CCSER2: variants seen among roughly 807,000 people sequenced by gnomAD.
CCSER2 encodes the protein serine-rich coiled-coil domain-containing protein 2.
CCSER2 carries 46 observed loss-of-function variants against 92.3 expected under a neutral mutation model. That is an observed-to-expected ratio of 0.50 (90% CI 0.39 to 0.64). The LOEUF is 0.64. Among genes scored for constraint, CCSER2 ranks in the 30% least tolerant of loss-of-function variants. The pLI, the probability that CCSER2 is intolerant of heterozygous loss-of-function variation, is 0.00. For missense variants in CCSER2, 1,244 were observed against 1,238.9 expected (o/e 1.00, Z -0.06); for synonymous variants, 433 against 431.4 (o/e 1.00, Z -0.04).
intron 3 of CCSER2, among the ~76,000 whole-genome samples, chr10:84,414,186 A>G (rs933219841): frequency 1.3e-5 from 2 of 152,208 alleles, no homozygotes; most frequent in African/African-American, 2.4e-5. Flanking sequence ...TGATCTTGTC[A>G]TCATGATGCT....
At chr10:84,498,498 A>G (rs1156825761) in intron 9 of CCSER2, among the ~76,000 whole-genome samples, 2 of 150,508 alleles carry the variant, frequency 1.3e-5, no homozygotes, top group African/African-American at 4.9e-5. Context: ...TCTGTTTTAT[A>G]TTGAACAATG....
chr10:84,330,195 A>C (rs1164029431), intron 1 of CCSER2, among the ~76,000 whole-genome samples: 5 of 152,168 alleles, frequency 3.3e-5, no homozygotes, highest in Non-Finnish European at 7.3e-5. Flanking sequence ...ATATCGATAA[A>C]ATTCAAAGTC....
At chr10:84,505,973 TATG>T (rs1849019369) in intron 9 of CCSER2, among the ~76,000 whole-genome samples, 1 of 152,154 alleles carries the variant, frequency 6.6e-6, no homozygotes, top group Admixed American at 6.5e-5. Context: ...ACTGTACTAT[TATG>T]ATGCCATTTA....
In CCSER2 at chr10:84,476,543, A is replaced by G. The variant is rs185417201; in HGVS notation, c.2236-1032A>G. 2.7e-3 allele frequency among the ~76,000 whole-genome samples: 371 copies of G among 137,820 alleles called. 2 individuals carry two copies. The highest frequency in any genetic ancestry group is 9.2e-3 in the African/African-American group (340 of 36,770). 90.4% of individuals were successfully genotyped at this position (137,820 alleles called of 152,430 possible). ...CACTGCAAGCTCTGCTTCCGGGTTC[A>G]TGCCATTCTCCTGCCTCAGCCTCCG... On this transcript the variant is annotated intron_variant, in intron 8 of 9. Coordinates refer to ENST00000372088, the MANE Select transcript of CCSER2 (RefSeq NM_001284240.2).
chr10:84,513,354 CATA>C (rs1849464336), intron 9 of CCSER2, 92 bp from the exon 10 acceptor site: 1 of 933,908 alleles, frequency 1.1e-6, no homozygotes. Flanking sequence ...ATATTAAAGC[CATA>C]ATAAGTACCA....
chr10:84,393,127 A>T (rs1841619771), intron 3 of CCSER2, among the ~76,000 whole-genome samples: 1 of 152,092 alleles, frequency 6.6e-6, no homozygotes, highest in African/African-American at 2.4e-5. Flanking sequence ...AAGAATATAG[A>T]CATATAAAGT....
intron 6 of CCSER2, among the ~76,000 whole-genome samples, chr10:84,451,014 A>G (rs942258461): frequency 2.0e-5 from 3 of 152,200 alleles, no homozygotes; most frequent in Non-Finnish European, 2.9e-5. Context: ...AGCCAAAATC[A>G]TAACAGCTTT....
chr10:84,478,639 A>G (rs1564706696), intron 9 of CCSER2, among the ~76,000 whole-genome samples: 1 of 152,198 alleles, frequency 6.6e-6, no homozygotes, highest in Non-Finnish European at 1.5e-5. Flanking sequence ...TTCATCCCAG[A>G]TATTTGGCTT....
intron 1 of CCSER2, among the ~76,000 whole-genome samples, chr10:84,340,134 C>T (rs916959255): frequency 2.6e-5 from 4 of 152,174 alleles, no homozygotes; most frequent in African/African-American, 4.8e-5. Flanking sequence ...TGAGCCACTG[C>T]ACCTGGCCAT....
intron 9 of CCSER2, among the ~76,000 whole-genome samples, chr10:84,501,092 GT>G (rs1848693896): frequency 6.6e-6 from 1 of 152,000 alleles, no homozygotes; most frequent in African/African-American, 2.4e-5. Context: ...GAGAAAAGGA[GT>G]TTTTTTGTCC....
intron 1 of CCSER2, among the ~76,000 whole-genome samples, chr10:84,356,985 A>T (rs1349968573): frequency 6.6e-6 from 1 of 152,226 alleles, no homozygotes; most frequent in East Asian, 1.9e-4. Context: ...CTACATTTGT[A>T]AAAAACCAGT....
At chr10:84,488,248 G>A (rs565869576) in intron 9 of CCSER2, among the ~76,000 whole-genome samples, 3 of 152,310 alleles carry the variant, frequency 2.0e-5, no homozygotes, top group Non-Finnish European at 4.4e-5. Flanking sequence ...GATGATGCTG[G>A]CCTCATAAAA....
chr10:84,362,427 T>G (rs1454769133), intron 1 of CCSER2, among the ~76,000 whole-genome samples: 2 of 152,192 alleles, frequency 1.3e-5, no homozygotes, highest in Admixed American at 6.5e-5. Context: ...TTGAGTTTTG[T>G]GTTCCTGTAC....
At chr10:84,436,232 A>C (rs1055004957) in intron 5 of CCSER2, among the ~76,000 whole-genome samples, 1 of 145,172 alleles carries the variant, frequency 6.9e-6, no homozygotes, top group East Asian at 2.2e-4. Context: ...AGGCTGAGGC[A>C]GGAGAATGGC....
intron 3 of CCSER2, among the ~76,000 whole-genome samples, chr10:84,409,340 A>G (rs186224275): frequency 1.3e-5 from 2 of 150,954 alleles, no homozygotes; most frequent in African/African-American, 4.9e-5. Flanking sequence ...GGATCTCCTT[A>G]TGTTGCCCAG....
At chr10:84,459,952 G>T (rs1021698970) in intron 6 of CCSER2, among the ~76,000 whole-genome samples, 1 of 152,016 alleles carries the variant, frequency 6.6e-6, no homozygotes, top group Admixed American at 6.6e-5. Flanking sequence ...TGAGATAATT[G>T]TGCAGACCTT....
chr10:84,503,822 T>A (rs34925904), intron 9 of CCSER2, among the ~76,000 whole-genome samples: 8,865 of 152,266 alleles, frequency 0.058, 368 homozygotes, highest in Admixed American at 0.1. Flanking sequence ...GCATCTATAT[T>A]TGTCGTAATA....
intron 9 of CCSER2, among the ~76,000 whole-genome samples, chr10:84,489,431 G>A (rs915106099): frequency 6.6e-6 from 1 of 152,118 alleles, no homozygotes; most frequent in Non-Finnish European, 1.5e-5. Context: ...CCTGTATTGG[G>A]TGCATATATA....
chr10:84,451,630 G>T (rs1196284796), intron 6 of CCSER2, among the ~76,000 whole-genome samples: 1 of 151,998 alleles, frequency 6.6e-6, no homozygotes, highest in African/African-American at 2.4e-5. Context: ...CTACAGGAAG[G>T]GATATCTGGG....
Sources: allele counts gnomAD v4.1 joint callset (sites outside exome capture counted in the v4.1 genomes callset), GRCh38; gene constraint gnomAD v4.1.1; transcripts MANE v1.5; gene names NCBI Gene and HGNC (gene_info 2026-07-23, HGNC 2026-07-21).